Variants in PHACTR1 observed in about 807,000 individuals in gnomAD.
The protein encoded by PHACTR1 is RPEL repeat containing 1.
Under a neutral mutation model 69.2 loss-of-function variants are expected in PHACTR1, and 16 were observed. That is an observed-to-expected ratio of 0.23 (90% CI 0.16 to 0.35). The LOEUF (loss-of-function observed/expected upper bound fraction) is 0.35, where lower values mean the gene tolerates loss of function less well. Among genes scored for constraint, PHACTR1 ranks in the 10% least tolerant of loss-of-function variants. The pLI, the probability that PHACTR1 is intolerant of heterozygous loss-of-function variation, is 1.00. For synonymous variants in PHACTR1, 312 were observed against 284.5 expected, an observed-to-expected ratio of 1.10 and a Z score of -0.97; for missense variants, 510 against 734.7, an observed-to-expected ratio of 0.69 and a Z score of 3.54.
chr6:13,080,533 T>C (rs1238902579), intron 5 of PHACTR1, among the ~76,000 whole-genome samples: 1 of 152,186 alleles, frequency 6.6e-6, no homozygotes, highest in African/African-American at 2.4e-5. Flanking sequence ...TCTGAAGGTA[T>C]AGATGGTCTT....
intron 10 of PHACTR1, among the ~76,000 whole-genome samples, chr6:13,268,991 C>T (rs753636316): frequency 2.8e-4 from 42 of 152,014 alleles, no homozygotes; most frequent in African/African-American, 9.9e-4. Flanking sequence ...AATATGACCA[C>T]CCATAAAAAA....
rs139615132 is a variant in PHACTR1 at position 13,286,036 on chromosome 6, CTTGT to C, written c.1651-105_1651-102del. 19,383 of 878,672 alleles carry C rather than the reference CTTGT, an allele frequency of 0.022. 1,606 individuals carry two copies. The African/African-American group carries it at 0.22, about 10-fold the overall frequency. 54.4% of individuals were successfully genotyped at this position (878,672 alleles called of 1,614,324 possible). ...TCCCAATGAAAGAATCCATCTTAAA[CTTGT>C]TTGTCTTTGTTGAAGAAGAAAAATA... On this transcript the variant is annotated intron_variant, in intron 13 of 14. Transcript: ENST00000332995.
At chr6:12,805,685 C>T (rs1774236675) in intron 4 of PHACTR1, among the ~76,000 whole-genome samples, 1 of 151,976 alleles carries the variant, frequency 6.6e-6, no homozygotes, top group Non-Finnish European at 1.5e-5. Context: ...ACTGCAACCT[C>T]CACCTCCTAG....
intron 5 of PHACTR1, among the ~76,000 whole-genome samples, chr6:13,124,732 G>A (rs1296817873): frequency 6.6e-6 from 1 of 152,224 alleles, no homozygotes; most frequent in Non-Finnish European, 1.5e-5. Flanking sequence ...GCATGGTGGG[G>A]TTCTGGTAAG....
At chr6:12,943,581 G>A (rs909368673) in intron 4 of PHACTR1, among the ~76,000 whole-genome samples, 1 of 152,174 alleles carries the variant, frequency 6.6e-6, no homozygotes, top group Non-Finnish European at 1.5e-5. Flanking sequence ...TGATCCATGT[G>A]GCATTTTTAG....
intron 4 of PHACTR1, among the ~76,000 whole-genome samples, chr6:13,007,658 CTTTT>C (rs55855505): frequency 1.6e-4 from 18 of 111,590 alleles, no homozygotes; most frequent in Non-Finnish European, 1.7e-4. Flanking sequence ...TTTGGAGATC[CTTTT>C]TTTTTTTTTT....
At chr6:12,821,671 CA>C (rs1776241293) in intron 4 of PHACTR1, among the ~76,000 whole-genome samples, 4 of 152,040 alleles carry the variant, frequency 2.6e-5, no homozygotes, top group Middle Eastern at 3.2e-3. Flanking sequence ...GGAAAAAAAT[CA>C]AGGTTTTTTA....
In PHACTR1 at chr6:13,287,737, C is replaced by CAT. The variant is rs1781939683; in HGVS notation, c.*660_*661dup. On this transcript the variant is annotated 3_prime_UTR_variant, in exon 15 of 15. Coordinates refer to ENST00000332995, the MANE Select transcript of PHACTR1 (RefSeq NM_030948.6). ...GCTACGAAGGCTGGCACTGAGCACC[C>CAT]ATCCTGCTCCCTCTGCCTGAGCTGA... 1 of 152,994 alleles carries CAT rather than the reference C, an allele frequency of 6.5e-6. No individual in the cohort carries two copies. The highest frequency in any genetic ancestry group is 2.4e-5 in the African/African-American group (1 of 41,448). The allele number at this position is 152,994 out of a possible 1,614,324, so 9.5% of individuals were successfully genotyped here. A position where few individuals can be genotyped will look rare whatever the true frequency, so the allele number is the denominator to read the frequency against.
intron 3 of PHACTR1, among the ~76,000 whole-genome samples, chr6:12,746,844 A>G (rs1034294173): frequency 7.9e-5 from 12 of 152,236 alleles, no homozygotes; most frequent in Admixed American, 7.9e-4. Context: ...GATGAATGAG[A>G]ATAGAAAGGA....
Position 13,271,698 on chromosome 6 carries a change from GT to G in PHACTR1, c.1392-1151del, listed in dbSNP as rs78271320. ...AATTTTAGACTATTGTTTTTTGTTT[GT>G]TTTTTTTTTTAATATTTTCCGTCAG... On this transcript the variant is annotated intron_variant, in intron 10 of 14. Coordinates refer to ENST00000332995, the MANE Select transcript of PHACTR1 (RefSeq NM_030948.6). Among the ~76,000 whole-genome samples the G allele has an allele frequency of 4.6e-4, 66 of 144,982 alleles. No homozygotes were observed. The East Asian group carries it at 5.4e-3, about 12-fold the overall frequency.
intron 5 of PHACTR1, among the ~76,000 whole-genome samples, chr6:13,157,333 T>C (rs1758328582): frequency 6.6e-6 from 1 of 152,238 alleles, no homozygotes; most frequent in African/African-American, 2.4e-5. Context: ...TCCCTTTTCT[T>C]AAGGAGGACT....
At chr6:12,799,988 G>T (rs563664152) in intron 4 of PHACTR1, among the ~76,000 whole-genome samples, 122 of 152,256 alleles carry the variant, frequency 8.0e-4, no homozygotes, top group South Asian at 2.1e-4. Context: ...CATCAACACT[G>T]TGTGATAGCT....
In PHACTR1 at chr6:12,947,837, G is replaced by C. The variant is rs150650528; in HGVS notation, c.251-105528G>C. Among the ~76,000 whole-genome samples, 3 of 152,328 alleles carry C rather than the reference G, an allele frequency of 2.0e-5. No individual in the cohort carries two copies. In the East Asian group the frequency reaches 5.8e-4, roughly 29 times the overall value. On this transcript the variant is annotated intron_variant, in intron 4 of 14. Transcript: ENST00000332995. ...ATGACAAAGCAGTTATTTTCCACCAGTCTGAAAACTTTATGAGGCAGAAAT... is the reference window on the plus strand; with the variant it reads ...ATGACAAAGCAGTTATTTTCCACCACTCTGAAAACTTTATGAGGCAGAAAT...
intron 4 of PHACTR1, among the ~76,000 whole-genome samples, chr6:12,784,863 C>T (rs990258285): frequency 1.3e-5 from 2 of 151,786 alleles, no homozygotes; most frequent in Admixed American, 1.3e-4. Context: ...TACAGGCATG[C>T]ACCACCATGC....
intron 5 of PHACTR1, among the ~76,000 whole-genome samples, chr6:13,107,438 T>G (rs1230782832): frequency 2.0e-5 from 3 of 152,208 alleles, no homozygotes; most frequent in Non-Finnish European, 2.9e-5. Flanking sequence ...TAAATAAGTT[T>G]GTGTAAATTT....
chr6:12,870,836 T>A (rs181515993), intron 4 of PHACTR1, among the ~76,000 whole-genome samples: 149 of 152,350 alleles, frequency 9.8e-4, no homozygotes, highest in African/African-American at 3.2e-3. Flanking sequence ...TTTATCAGCT[T>A]CTAAAAGGTT....
In PHACTR1 at chr6:12,871,138, A is replaced by G. The variant is rs565053279; in HGVS notation, c.250+121348A>G. ...AACTAAGAAAGTTGAAAACTGATGA[A>G]GAAGAAAGACTTCTAGCAGAAAATG... On this transcript the variant is annotated intron_variant, in intron 4 of 14. Transcript: ENST00000332995. 1.3e-4 allele frequency among the ~76,000 whole-genome samples: 20 copies of G among 152,316 alleles called. No homozygotes were observed. In the South Asian group the frequency reaches 3.1e-3, roughly 24 times the overall value.
intron 4 of PHACTR1, among the ~76,000 whole-genome samples, chr6:12,915,528 A>C (rs944280445): frequency 6.6e-6 from 1 of 151,176 alleles, no homozygotes; most frequent in East Asian, 2.0e-4. Context: ...AAAGAAAAAA[A>C]AAAAAAACAG....
intron 5 of PHACTR1, among the ~76,000 whole-genome samples, chr6:13,106,819 CA>C (rs1307312545): frequency 6.6e-6 from 1 of 151,892 alleles, no homozygotes; most frequent in Non-Finnish European, 1.5e-5. Flanking sequence ...TTTTTTCTAT[CA>C]AAAAGACGAA....
Sources: gnomAD v4.1 joint callset for allele counts (sites outside exome capture counted in the v4.1 genomes callset) on GRCh38, gnomAD v4.1.1 for gene constraint, MANE v1.5 for transcripts, NCBI Gene and HGNC (gene_info 2026-07-23, HGNC 2026-07-21) for gene names.